NXN: variants seen among roughly 807,000 people sequenced by gnomAD.
NXN encodes nucleoredoxin, also known as nucleoredoxin 1.
NXN carries 16 observed loss-of-function variants against 48.6 expected under a neutral mutation model. The ratio of observed to expected loss-of-function variants is 0.33; its 90% CI spans 0.22 to 0.50. The LOEUF (loss-of-function observed/expected upper bound fraction) is 0.50. Ranked by LOEUF, NXN falls within the 20% of genes least tolerant of loss-of-function variation. The pLI, the probability that NXN is intolerant of heterozygous loss-of-function variation, is 0.98. For synonymous variants in NXN, 281 were observed against 269.6 expected (o/e 1.04, Z -0.41); for missense variants, 492 against 605.5 (o/e 0.81, Z 1.97).
chr17:914,994 G>A (rs923122172), intron 1 of NXN, among the ~76,000 whole-genome samples: 1 of 151,994 alleles, frequency 6.6e-6, no homozygotes, highest in African/African-American at 2.4e-5. Context: ...GAGTGCAGTG[G>A]TGCGATCTCG....
chr17:930,753 G>T (rs2068844504), intron 1 of NXN, among the ~76,000 whole-genome samples: 1 of 148,088 alleles, frequency 6.8e-6, no homozygotes, highest in South Asian at 2.2e-4. Flanking sequence ...TATACCAAGA[G>T]GACAAAGAAA....
At chr17:897,929 C>T (rs1014298554) in intron 1 of NXN, among the ~76,000 whole-genome samples, 15 of 152,208 alleles carry the variant, frequency 9.9e-5, no homozygotes, top group African/African-American at 3.4e-4. Context: ...GATCCGCCCA[C>T]CTCGGCCTCC....
At chr17:940,730 A>C (rs1329974552) in intron 1 of NXN, among the ~76,000 whole-genome samples, 10 of 150,544 alleles carry the variant, frequency 6.6e-5, no homozygotes, top group Admixed American at 1.3e-4. Context: ...TCCTGGATTT[A>C]CAGTGAACAA....
intron 1 of NXN, among the ~76,000 whole-genome samples, chr17:957,585 T>C (rs930116430): frequency 1.4e-5 from 2 of 147,790 alleles, no homozygotes; most frequent in African/African-American, 5.0e-5. Flanking sequence ...TGAGCCAAGA[T>C]CAAGCCACTG....
intron 6 of NXN, among the ~76,000 whole-genome samples, chr17:804,420 T>C (rs1410351787): frequency 6.6e-6 from 1 of 151,906 alleles, no homozygotes; most frequent in South Asian, 2.1e-4. Flanking sequence ...GTAGCTGGGA[T>C]TACAGGCGTG....
chr17:925,615 C>T (rs2068790981), intron 1 of NXN, among the ~76,000 whole-genome samples: 1 of 152,122 alleles, frequency 6.6e-6, no homozygotes, highest in South Asian at 2.1e-4. Flanking sequence ...TCTTGAACTC[C>T]TGACCTCAGG....
At chr17:881,681 C>T (rs767432204) in intron 1 of NXN, among the ~76,000 whole-genome samples, 4 of 152,178 alleles carry the variant, frequency 2.6e-5, no homozygotes, top group Non-Finnish European at 4.4e-5. Context: ...TTATAACAGC[C>T]TTCCCCACCC....
At chr17:841,535 A>AGCAGGTCCCCCCGACCACGGC (rs2144711729) in intron 1 of NXN, among the ~76,000 whole-genome samples, 1 of 8,038 alleles carries the variant, frequency 1.2e-4, no homozygotes, top group East Asian at 2.4e-3. Context: ...CCGACCATGG[A>AGCAGGTCCCCCCGACCACGGC]GCATCTCACG....
At chr17:965,205 C>T (rs961920328) in intron 1 of NXN, among the ~76,000 whole-genome samples, 4 of 152,182 alleles carry the variant, frequency 2.6e-5, no homozygotes, top group Non-Finnish European at 5.9e-5. Flanking sequence ...AGAACGTGGG[C>T]CTTAAGCTCA....
At chr17:854,936 G>A (rs1198604694) in intron 1 of NXN, among the ~76,000 whole-genome samples, 3 of 151,818 alleles carry the variant, frequency 2.0e-5, no homozygotes, top group Admixed American at 6.6e-5. Context: ...TCCAGCCTGG[G>A]CAACAGAGTG....
At chr17:925,655 C>G (rs1166794033) in intron 1 of NXN, among the ~76,000 whole-genome samples, 2 of 152,226 alleles carry the variant, frequency 1.3e-5, no homozygotes, top group Non-Finnish European at 2.9e-5. Flanking sequence ...TCCCAAAGTG[C>G]TGGGATGACA....
chr17:930,709 C>T (rs903046554), intron 1 of NXN, among the ~76,000 whole-genome samples: 1 of 151,306 alleles, frequency 6.6e-6, no homozygotes, highest in Non-Finnish European at 1.5e-5. Flanking sequence ...TTATTAAATG[C>T]TAAAAGTGTA....
intron 1 of NXN, among the ~76,000 whole-genome samples, chr17:875,276 C>T (rs2068201984): frequency 6.6e-6 from 1 of 152,066 alleles, no homozygotes; most frequent in African/African-American, 2.4e-5. Context: ...AGGTGATCCT[C>T]CCATCTCAGG....
intron 1 of NXN, among the ~76,000 whole-genome samples, chr17:841,867 C>T (rs1891327073): frequency 6.6e-6 from 1 of 152,158 alleles, no homozygotes; most frequent in Non-Finnish European, 1.5e-5. Flanking sequence ...TGGCGCACGG[C>T]GGCTCACGTC....
chr17:943,919 C>T (rs1257028022), intron 1 of NXN, among the ~76,000 whole-genome samples: 2 of 151,390 alleles, frequency 1.3e-5, no homozygotes, highest in Non-Finnish European at 2.9e-5. Context: ...TTGTTTAACT[C>T]GACAATCCTT....
intron 1 of NXN, among the ~76,000 whole-genome samples, chr17:832,708 T>A (rs1259797370): frequency 6.6e-6 from 1 of 152,088 alleles, no homozygotes; most frequent in Non-Finnish European, 1.5e-5. Flanking sequence ...TCTGGATGGG[T>A]AAGAAACTGT....
At chr17:889,099 T>C (rs759971656) in intron 1 of NXN, among the ~76,000 whole-genome samples, 2 of 152,090 alleles carry the variant, frequency 1.3e-5, no homozygotes, top group Non-Finnish European at 2.9e-5. Flanking sequence ...AACCGATGGA[T>C]TGTGGTCAGG....
intron 1 of NXN, among the ~76,000 whole-genome samples, chr17:944,195 C>T (rs1315444974): frequency 1.3e-5 from 2 of 152,088 alleles, no homozygotes; most frequent in African/African-American, 4.8e-5. Flanking sequence ...GCCGAGATGG[C>T]GCCACTGCAC....
chr17:824,036 ATTTT>A lies in NXN; in HGVS notation c.479-275_479-272del, dbSNP rs11345667. Among the ~76,000 whole-genome samples the A allele has an allele frequency of 1.2e-3, 139 of 116,756 alleles. 2 individuals are homozygous for A. Among genetic ancestry groups the A allele is most frequent in the Middle Eastern group, 4.7e-3 (1 of 214 alleles). 76.6% of individuals were successfully genotyped at this position (116,756 alleles called of 152,430 possible). A position where few individuals can be genotyped will look rare whatever the true frequency, so the allele number is the denominator to read the frequency against. On this transcript the variant is annotated intron_variant, in intron 2 of 7. Transcript: ENST00000336868. ...GTCACAAGGTCTGTCTTCCAGGGAC[ATTTT>A]TTTTTTTTTTTTTTTTTGAGGTAGA...
Sources: gnomAD v4.1 joint callset for allele counts (sites outside exome capture counted in the v4.1 genomes callset) on GRCh38, gnomAD v4.1.1 for gene constraint, MANE v1.5 for transcripts, NCBI Gene and HGNC (gene_info 2026-07-23, HGNC 2026-07-21) for gene names.